SHROOM2: variants seen among roughly 807,000 people sequenced by gnomAD.
The protein encoded by SHROOM2 is protein Shroom2.
Under a neutral mutation model 75.9 loss-of-function variants are expected in SHROOM2, and 33 were observed. The ratio of observed to expected loss-of-function variants is 0.43; its 90% CI spans 0.33 to 0.58. SHROOM2 has a LOEUF of 0.58. Among genes scored for constraint, SHROOM2 ranks in the 20% least tolerant of loss-of-function variants. The pLI, the probability that SHROOM2 is intolerant of heterozygous loss-of-function variation, is 0.04. For missense variants in SHROOM2, 1,434 were observed against 1,461.2 expected (o/e 0.98, Z 0.30); for synonymous variants, 655 against 663.6 (o/e 0.99, Z 0.20).
intron 6 of SHROOM2, among the ~76,000 whole-genome samples, chrX:9,933,105 G>C (rs762901956): frequency 6.3e-5 from 7 of 111,295 alleles, no homozygotes; most frequent in Non-Finnish European, 1.1e-4. Flanking sequence ...GATGTGAATA[G>C]GTGATACATC....
intron 2 of SHROOM2, among the ~76,000 whole-genome samples, chrX:9,880,877 G>A (rs1414156903): frequency 2.7e-5 from 3 of 111,712 alleles, no homozygotes; most frequent in Non-Finnish European, 1.9e-5. Context: ...GCGTTCCTAC[G>A]TCTTGGCTAT....
In SHROOM2 at chrX:9,891,105, C is replaced by T. The variant is rs749777846; in HGVS notation, c.446C>T (p.Ala149Val). The T allele has an allele frequency of 5.2e-5, 63 of 1,203,470 alleles. No homozygotes were observed. Among genetic ancestry groups the T allele is most frequent in the Middle Eastern group, 2.3e-4 (1 of 4,356 alleles). ...CCTTCCTGGTCCGGCCGACACCACGCGAGGTAGGCACCCATTCCCGTCCAG... is the reference window on the plus strand; with the variant it reads ...CCTTCCTGGTCCGGCCGACACCACGTGAGGTAGGCACCCATTCCCGTCCAG... ...GCPSWSGRHHASSSSHDLSSS... is the reference protein window; with the variant it reads ...GCPSWSGRHHVSSSSHDLSSS... Residue 149 changes from alanine (A) to valine (V), a missense_variant, in exon 3 of 10, where the codon GCG becomes GTG. Transcript: ENST00000380913.
intron 4 of SHROOM2, 112 bp downstream of exon 4, chrX:9,896,810 A>G: frequency 2.3e-6 from 2 of 865,677 alleles, no homozygotes; most frequent in South Asian, 6.0e-5. Flanking sequence ...GCGAGCATTT[A>G]CCTTTTCCAG....
chrX:9,819,370 C>G, intron 1 of SHROOM2: 1 of 475,063 alleles, frequency 2.1e-6, no homozygotes, highest in Non-Finnish European at 3.8e-6. Flanking sequence ...TTGACTATAA[C>G]TGTCTTGATT....
intron 5 of SHROOM2, among the ~76,000 whole-genome samples, chrX:9,922,082 CTCTG>C (rs2084550568): frequency 1.8e-5 from 2 of 111,889 alleles, no homozygotes; most frequent in Non-Finnish European, 3.8e-5. Context: ...GAAATGAGTT[CTCTG>C]TCTGTTGCCC....
intron 1 of SHROOM2, among the ~76,000 whole-genome samples, chrX:9,792,009 TA>T (rs2083653841): frequency 4.2e-3 from 1 of 239 alleles, no homozygotes; most frequent in Non-Finnish European, 0.031. Flanking sequence ...TAGAATAGAA[TA>T]GAATAGAATA....
chrX:9,843,696 C>T (rs770302093), intron 1 of SHROOM2, among the ~76,000 whole-genome samples: 3 of 112,584 alleles, frequency 2.7e-5, no homozygotes, highest in East Asian at 2.8e-4. Context: ...CCACTGCGCC[C>T]GGCCCACATG....
chrX:9,885,817 G>T (rs955784348), intron 2 of SHROOM2, among the ~76,000 whole-genome samples: 6 of 109,382 alleles, frequency 5.5e-5, no homozygotes, highest in African/African-American at 1.7e-4. Context: ...GCTTGGCGTG[G>T]TGGTGTGTGT....
Position 9,926,138 on chromosome X carries a change from C to T in SHROOM2, c.2892-6037C>T, listed in dbSNP as rs773449090. On this transcript the variant is annotated intron_variant, in intron 5 of 9. Transcript: ENST00000380913. ...GGGCCTTTATCTGCTGCTAGCTCACCGCCATCCTATGCGATGTGGCCTGTG... is the reference window on the plus strand; with the variant it reads ...GGGCCTTTATCTGCTGCTAGCTCACTGCCATCCTATGCGATGTGGCCTGTG... 8.4e-4 allele frequency among the ~76,000 whole-genome samples: 94 copies of T among 111,743 alleles called. 1 individual carries two copies. Among genetic ancestry groups the T allele is most frequent in the Non-Finnish European group, 1.5e-3 (81 of 53,143 alleles).
chrX:9,912,759 A>G (rs1200589176), intron 5 of SHROOM2: 2 of 111,836 alleles, frequency 1.8e-5, no homozygotes, highest in Non-Finnish European at 3.8e-5. Flanking sequence ...TGCTGTGGGT[A>G]AGGTCTGGTG....
chrX:9,823,074 C>CCCTTCTCCTTCTCCCTTCT (rs1555924329), intron 1 of SHROOM2, among the ~76,000 whole-genome samples: 1 of 20,187 alleles, frequency 5.0e-5, no homozygotes, highest in Non-Finnish European at 1.1e-4. Flanking sequence ...TCCTCCTCCT[C>CCCTTCTCCTTCTCCCTTCT]CCTTCTCCCT....
At chrX:9,847,155 C>T (rs2084010780) in intron 1 of SHROOM2, among the ~76,000 whole-genome samples, 1 of 112,437 alleles carries the variant, frequency 8.9e-6, no homozygotes, top group African/African-American at 3.2e-5. Flanking sequence ...ATGAGGCCGG[C>T]AAACCAGTCT....
At position 9,932,364 on chromosome X, in the gene SHROOM2, A is replaced by G; in HGVS notation, c.3081A>G (p.Pro1027=). Residue 1027 remains proline (P), a synonymous_variant, in exon 6 of 10, where the codon CCA becomes CCG. Transcript: ENST00000380913. ...RDYRYSEEST[P]ADLGPRAQSP... ...ATAGATACTCGGAGGAGAGCACCCC[A>G]GCAGACTTGGGACCCCGAGCCCAGA... 1.7e-6 allele frequency: 2 copies of G among 1,210,299 alleles called. No individual in the cohort carries two copies. Among genetic ancestry groups the G allele is most frequent in the Non-Finnish European group, 2.2e-6 (2 of 894,722 alleles).
intron 2 of SHROOM2, 32 bp downstream of exon 2, chrX:9,873,835 C>T (rs202237359): frequency 6.7e-6 from 8 of 1,198,652 alleles, no homozygotes; most frequent in Admixed American, 4.4e-5. Context: ...ACATTTACCA[C>T]GACACACAGG....
At chrX:9,928,909 G>C (rs2084621052) in intron 5 of SHROOM2, among the ~76,000 whole-genome samples, 1 of 112,410 alleles carries the variant, frequency 8.9e-6, no homozygotes. Flanking sequence ...CACACACACA[G>C]TGTACATATA....
chrX:9,914,522 C>G (rs2084468724), intron 5 of SHROOM2, among the ~76,000 whole-genome samples: 1 of 111,019 alleles, frequency 9.0e-6, no homozygotes, highest in African/African-American at 3.3e-5. Context: ...TCCTCGGGCA[C>G]TGATTTCCAG....
At chrX:9,795,760 G>A (rs2083691978) in intron 1 of SHROOM2, among the ~76,000 whole-genome samples, 1 of 109,503 alleles carries the variant, frequency 9.1e-6, no homozygotes, top group African/African-American at 3.3e-5. Flanking sequence ...GCAGGGAGGC[G>A]GCCATGTTTT....
At chrX:9,854,131 G>A (rs1461770364) in intron 1 of SHROOM2, among the ~76,000 whole-genome samples, 3 of 112,587 alleles carry the variant, frequency 2.7e-5, no homozygotes, top group Admixed American at 9.4e-5. Flanking sequence ...ATTGTAAAGC[G>A]TACTGTTATA....
chrX:9,825,120 A>C (rs2083881192), intron 1 of SHROOM2, among the ~76,000 whole-genome samples: 1 of 112,338 alleles, frequency 8.9e-6, no homozygotes, highest in Non-Finnish European at 1.9e-5. Context: ...AAATCTCCCT[A>C]AATATCAAAA....
Sources: gnomAD v4.1 joint callset for allele counts (sites outside exome capture counted in the v4.1 genomes callset) on GRCh38, gnomAD v4.1.1 for gene constraint, MANE v1.5 for transcripts, NCBI Gene and HGNC (gene_info 2026-07-23, HGNC 2026-07-21) for gene names.